The following TOP1MT variants were observed in gnomAD, a reference collection of about 807,000 sequenced individuals.
The protein encoded by TOP1MT is DNA topoisomerase I mitochondrial, also known as DNA topoisomerase I, mitochondrial.
A neutral mutation model predicts 73.9 loss-of-function variants in TOP1MT; 80 were observed. The ratio of observed to expected loss-of-function variants is 1.08; its 90% confidence interval spans 0.90 to 1.30. The LOEUF (loss-of-function observed/expected upper bound fraction) is 1.30. Ranked by LOEUF, TOP1MT falls within the 50% of genes most tolerant of loss-of-function variation. The pLI is 0.00. For missense variants in TOP1MT, 815 were observed against 808.0 expected (o/e 1.01, Z -0.10); for synonymous variants, 338 against 326.4 (o/e 1.04, Z -0.38).
chr8:143,321,969 CT>C (rs1289007621), intron 7 of TOP1MT, among the ~76,000 whole-genome samples: 795 of 77,378 alleles, frequency 0.01, 4 homozygotes, highest in Non-Finnish European at 0.016. Flanking sequence ...CACACACATG[CT>C]CACCACACGC....
chr8:143,315,908 C>CCGCA, intron 11 of TOP1MT, 87 bp from the exon 12 acceptor site: 1 of 1,607,452 alleles, frequency 6.2e-7, no homozygotes. Context: ...TACGTGCCCA[C>CCGCA]CGCAGCTGGC....
chr8:143,309,367 A>G lies in TOP1MT; in HGVS notation c.*74T>C, dbSNP rs117108116. On this transcript the variant is annotated 3_prime_UTR_variant, in exon 14 of 14. Coordinates refer to ENST00000329245, the MANE Select transcript of TOP1MT (RefSeq NM_052963.3). ...AGCACTTGCACACATTTTATTGTAC[A>G]AAATTCCCCAGTACTGCTTTAATAG... 9.5e-3 allele frequency: 14,296 copies of G among 1,509,710 alleles called. 87 individuals are homozygous for G. Among genetic ancestry groups the G allele is most frequent in the Non-Finnish European group, 0.011 (12,450 of 1,103,156 alleles). 93.5% of individuals were successfully genotyped at this position (1,509,710 alleles called of 1,614,324 possible). A position where few individuals can be genotyped will look rare whatever the true frequency, so the allele number is the denominator to read the frequency against.
At chr8:143,321,728 CACAGGTACGCCACACACGCACGCCACAA>C in intron 7 of TOP1MT, among the ~76,000 whole-genome samples, 1 of 136,292 alleles carries the variant, frequency 7.3e-6, no homozygotes, top group Admixed American at 7.3e-5. Flanking sequence ...GCACGCCACA[CACAGGTACGCCACACACGCACGCCACAA>C]ACACAGGCAC....
At chr8:143,354,836 G>A (rs1219237408) in intron 1 of TOP1MT, among the ~76,000 whole-genome samples, 1 of 152,044 alleles carries the variant, frequency 6.6e-6, no homozygotes, top group Non-Finnish European at 1.5e-5. Context: ...CGGGGCTGCT[G>A]CATGGTCAGA....
intron 2 of TOP1MT, among the ~76,000 whole-genome samples, chr8:143,340,924 C>A (rs1817068046): frequency 6.6e-6 from 1 of 152,198 alleles, no homozygotes; most frequent in Non-Finnish European, 1.5e-5. Flanking sequence ...CTCCTTTCTG[C>A]TCAGTGTGGC....
At chr8:143,320,957 G>A (rs1816320595) in intron 8 of TOP1MT, among the ~76,000 whole-genome samples, 1 of 152,192 alleles carries the variant, frequency 6.6e-6, no homozygotes, top group Admixed American at 6.5e-5. Flanking sequence ...GGCAGGAGAC[G>A]AAGCTGGCGT....
rs566350770 is a variant in TOP1MT, at chr8:143,325,625, G to C, written c.484-92C>G. 254 of 1,247,186 alleles carry C rather than the reference G, an allele frequency of 2.0e-4. No homozygotes were observed. In the African/African-American group the frequency reaches 3.5e-3, roughly 17 times the overall value. 77.3% of individuals were successfully genotyped at this position (1,247,186 alleles called of 1,614,324 possible). A position where few individuals can be genotyped will look rare whatever the true frequency, so the allele number is the denominator to read the frequency against. ...TGCTAACCCGGGACCACCCTGCTCT[G>C]TCTGGCTAACTCAGCTGGACCCTCA... On this transcript the variant is annotated intron_variant, in intron 4 of 13. Coordinates refer to ENST00000329245, the MANE Select transcript of TOP1MT (RefSeq NM_052963.3).
intron 7 of TOP1MT, among the ~76,000 whole-genome samples, chr8:143,323,254 C>T (rs1209800892): frequency 4.9e-5 from 6 of 121,248 alleles, no homozygotes; most frequent in Admixed American, 1.7e-4. Context: ...CACACAGGCA[C>T]GCCACACACA....
chr8:143,327,554 C>T (rs1816741444), intron 3 of TOP1MT: 1 of 182,358 alleles, frequency 5.5e-6, no homozygotes, highest in East Asian at 1.7e-4. Flanking sequence ...GAGCCCTGCT[C>T]GGCCACAACC....
chr8:143,342,858 C>G (rs886522037), intron 2 of TOP1MT, among the ~76,000 whole-genome samples: 123 of 149,380 alleles, frequency 8.2e-4, no homozygotes, highest in African/African-American at 3.0e-3. Context: ...GATCTCGGCT[C>G]ACTGCAACCT....
chr8:143,345,870 G>A (rs1279453919), upstream of TOP1MT, among the ~76,000 whole-genome samples: 2 of 152,196 alleles, frequency 1.3e-5, no homozygotes, highest in African/African-American at 4.8e-5. Flanking sequence ...CTGTTAATGG[G>A]GTAGACTGTG....
At position 143,333,569 on chromosome 8, in the gene TOP1MT, G is replaced by A. The variant is rs554386723; in HGVS notation, c.122+1171C>T. Among the ~76,000 whole-genome samples the A allele has an allele frequency of 2.0e-5, 3 of 152,384 alleles. No homozygotes were observed. In the East Asian group the frequency reaches 5.8e-4, roughly 29 times the overall value. On this transcript the variant is annotated intron_variant, in intron 1 of 13. Coordinates refer to ENST00000329245, the MANE Select transcript of TOP1MT (RefSeq NM_052963.3). Reference sequence around the variant, plus strand: ...ATTTCACAGATGAAGACACTGAGGTGAAACAACCTGCCGGCCAGCGGCCAG... The same window carrying A: ...ATTTCACAGATGAAGACACTGAGGTAAAACAACCTGCCGGCCAGCGGCCAG...
intron 8 of TOP1MT, among the ~76,000 whole-genome samples, chr8:143,318,852 T>A (rs1586753648): frequency 6.6e-6 from 1 of 151,984 alleles, no homozygotes; most frequent in Non-Finnish European, 1.5e-5. Flanking sequence ...AGCTCCCGAC[T>A]TCTGGCTTCT....
At chr8:143,346,484 G>T (rs777878422), upstream of TOP1MT, among the ~76,000 whole-genome samples, 1 of 152,168 alleles carries the variant, frequency 6.6e-6, no homozygotes, top group Admixed American at 6.5e-5. Context: ...CAGCACAAGA[G>T]AATAAGAAAG....
chr8:143,327,652 T>A (rs1816743531), intron 3 of TOP1MT: 6 of 315,872 alleles, frequency 1.9e-5, no homozygotes, highest in Admixed American at 1.1e-4. Flanking sequence ...CTGCCTCCCT[T>A]CCTAGCTCTG....
chr8:143,323,866 C>T (rs1201793650), intron 7 of TOP1MT, 133 bp downstream of exon 7: 5 of 1,001,740 alleles, frequency 5.0e-6, no homozygotes, highest in Admixed American at 4.4e-5. Context: ...TGTGCACATG[C>T]ACACACCCCC....
chr8:143,321,708 TGCCACACAC>T (rs1816388542), intron 7 of TOP1MT, among the ~76,000 whole-genome samples: 1 of 28,824 alleles, frequency 3.5e-5, no homozygotes. Context: ...CACGCACACA[TGCCACACAC>T]GCACGCCACA....
rs938881690 is a variant in TOP1MT, at chr8:143,341,734, G to A, written c.29+1486C>T. ...GGCCGCAACAGGCCATACTGCCAGC[G>A]TCCACCCTGACCCAGACACAAAACA... On this transcript the variant is annotated intron_variant, in intron 2 of 5. Coordinates refer to the TOP1MT transcript ENST00000518007. This position sits in a 1 kb window ranked among gnomAD's most constrained non-coding sequence, Gnocchi z 4.1. Among the ~76,000 whole-genome samples, 4 of 152,142 alleles carry A rather than the reference G, an allele frequency of 2.6e-5. No homozygotes were observed. The highest frequency in any genetic ancestry group is 7.2e-5 in the African/African-American group (3 of 41,436).
At chr8:143,355,240 G>A (rs1222859041) in intron 1 of TOP1MT, 1 of 152,212 alleles carries the variant, frequency 6.6e-6, no homozygotes, top group Admixed American at 6.5e-5. Context: ...AACAGCTCCT[G>A]CGTTCCAAGG....
Sources: gnomAD v4.1 joint callset for allele counts (sites outside exome capture counted in the v4.1 genomes callset) on GRCh38, gnomAD v4.1.1 for gene constraint, Gnocchi (gnomAD v3.1) non-coding constraint, MANE v1.5 for transcripts, NCBI Gene and HGNC (gene_info 2026-07-23, HGNC 2026-07-21) for gene names.